Variants in DTNA observed in about 807,000 individuals in gnomAD.
DTNA encodes dystrobrevin alpha.
In DTNA, 43 loss-of-function variants were observed where a neutral mutation model predicts 100.7. The ratio of observed to expected loss-of-function variants is 0.43; its 90% confidence interval spans 0.33 to 0.55. The LOEUF (loss-of-function observed/expected upper bound fraction) is 0.55, where lower values mean the gene tolerates loss of function less well. Among genes scored for constraint, DTNA ranks in the 20% least tolerant of loss-of-function variants. The pLI, the probability that DTNA is intolerant of heterozygous loss-of-function variation, is 0.04. For synonymous variants in DTNA, 349 were observed against 347.9 expected (o/e 1.00, Z -0.04); for missense variants, 798 against 953.9 (o/e 0.84, Z 2.15).
intron 3 of DTNA, among the ~76,000 whole-genome samples, chr18:34,785,816 T>C (rs1286817738): frequency 2.9e-5 from 1 of 34,390 alleles, no homozygotes; most frequent in Admixed American, 4.4e-4. Context: ...ATGTAAGTTC[T>C]GTGTGATTAG....
rs191844038 is a variant in DTNA at position 34,852,583 on chromosome 18, A to G, written c.1532+655A>G. ...CTCTAATGTGTTCCCATCACACTTC[A>G]GTTAAATCCTACTCCTCTTACCATC... On this transcript the variant is annotated intron_variant, in intron 15 of 22. Coordinates refer to ENST00000444659, the MANE Select transcript of DTNA (RefSeq NM_001386795.1). 1.5e-3 allele frequency among the ~76,000 whole-genome samples: 236 copies of G among 152,296 alleles called. 4 individuals are homozygous for G. In the South Asian group the frequency reaches 0.03, roughly 19 times the overall value.
In DTNA at chr18:34,850,627, T is replaced by C. The variant is rs1057161223; in HGVS notation, c.1435-1204T>C. ...CAACAGTTGCCATTTTTAAAAGCTTTCCATTCTTCGGTAGAAAGATGAGTT... is the reference window on the plus strand; with the variant it reads ...CAACAGTTGCCATTTTTAAAAGCTTCCCATTCTTCGGTAGAAAGATGAGTT... On this transcript the variant is annotated intron_variant, in intron 14 of 22. Coordinates refer to ENST00000444659, the MANE Select transcript of DTNA (RefSeq NM_001386795.1). 3.3e-5 allele frequency among the ~76,000 whole-genome samples: 5 copies of C among 152,222 alleles called. No homozygotes were observed. The East Asian group carries it at 9.6e-4, about 29-fold the overall frequency.
Position 34,863,978 on chromosome 18 carries a change from T to C in DTNA, c.1659T>C (p.Asp553=), listed in dbSNP as rs745502573. ...GCTTCTTTCTTAGACAGCGCAAAGA[T>C]GAGCTGGAACAGAGAATGTCTGCTC... ...AELRLLRQRK[D]ELEQRMSALQ... Residue 553 remains aspartate, a synonymous_variant, in exon 17 of 23, where the codon GAT becomes GAC. Transcript: ENST00000444659. The C allele has an allele frequency of 1.9e-6, 3 of 1,611,054 alleles. No homozygotes were observed. Among genetic ancestry groups the C allele is most frequent in the African/African-American group, 2.7e-5 (2 of 74,978 alleles).
At chr18:34,848,746 G>A (rs560357926) in intron 14 of DTNA, among the ~76,000 whole-genome samples, 21 of 152,156 alleles carry the variant, frequency 1.4e-4, no homozygotes, top group South Asian at 8.3e-4. Flanking sequence ...AGGCAGAGTA[G>A]TTGCAAGTGA....
At chr18:34,557,056 G>T (rs2046135851) in intron 1 of DTNA, among the ~76,000 whole-genome samples, 1 of 150,868 alleles carries the variant, frequency 6.6e-6, no homozygotes, top group Non-Finnish European at 1.5e-5. Flanking sequence ...ATTTCTTGGA[G>T]GCTTTGCTCA....
intron 1 of DTNA, among the ~76,000 whole-genome samples, chr18:34,654,547 A>G (rs1168776206): frequency 6.6e-6 from 1 of 152,204 alleles, no homozygotes; most frequent in Non-Finnish European, 1.5e-5. Flanking sequence ...CTTTAATACT[A>G]ACTGCAACAA....
intron 1 of DTNA, among the ~76,000 whole-genome samples, chr18:34,524,030 A>C (rs908044394): frequency 6.6e-6 from 1 of 152,134 alleles, no homozygotes; most frequent in African/African-American, 2.4e-5. Context: ...TGTGTTGCCT[A>C]GTGTGTGTTA....
At chr18:34,519,301 A>G (rs2041951250) in intron 1 of DTNA, among the ~76,000 whole-genome samples, 1 of 152,154 alleles carries the variant, frequency 6.6e-6, no homozygotes, top group East Asian at 1.9e-4. Context: ...GAAAGATGTT[A>G]TAAATTTAGG....
chr18:34,510,727 AT>A (rs2040995046), intron 1 of DTNA, among the ~76,000 whole-genome samples: 1 of 150,406 alleles, frequency 6.6e-6, no homozygotes, highest in Non-Finnish European at 1.5e-5. Flanking sequence ...TCTAAAACCC[AT>A]TCTAGAGCCA....
chr18:34,845,609 G>A (rs2096362837), intron 13 of DTNA, among the ~76,000 whole-genome samples: 2 of 152,148 alleles, frequency 1.3e-5, no homozygotes, highest in Admixed American at 6.6e-5. Context: ...TAATACATGA[G>A]CCAGAAATGA....
chr18:34,778,807 T>TTTG lies in DTNA; in HGVS notation c.148+12790_148+12792dup, dbSNP rs368572376. On this transcript the variant is annotated intron_variant, in intron 3 of 22. Transcript: ENST00000444659. ...ATAAAAGCTATATATATAGGGAAAG[T>TTTG]TTGTTGTTGTTGTTGTTGTTGTTGT... Among the ~76,000 whole-genome samples the TTTG allele has an allele frequency of 7.5e-3, 1,130 of 150,994 alleles. 15 individuals carry two copies. Among genetic ancestry groups the TTTG allele is most frequent in the African/African-American group, 0.022 (892 of 41,042 alleles).
intron 1 of DTNA, among the ~76,000 whole-genome samples, chr18:34,710,955 A>G (rs552363045): frequency 1.1e-4 from 16 of 151,978 alleles, no homozygotes; most frequent in Admixed American, 7.9e-4. Flanking sequence ...TTCTTTCATC[A>G]TATTATTGCG....
Position 34,860,220 on chromosome 18 carries a change from GTT to G in DTNA, c.1646+1850_1646+1851del, listed in dbSNP as rs55673388. Among the ~76,000 whole-genome samples, 149 of 80,284 alleles carry G rather than the reference GTT, an allele frequency of 1.9e-3. 7 individuals are homozygous for G. Among genetic ancestry groups the G allele is most frequent in the South Asian group, 7.5e-3 (17 of 2,252 alleles). 52.7% of individuals were successfully genotyped at this position (80,284 alleles called of 152,430 possible). On this transcript the variant is annotated intron_variant, in intron 16 of 22. Coordinates refer to ENST00000444659, the MANE Select transcript of DTNA (RefSeq NM_001386795.1). ...TGCCACCACGCCCGGCTAATTTTTT[GTT>G]TTTTTTTTTTTTTTTTTTTTTTTTT...
At chr18:34,609,975 G>C (rs1568011702) in intron 1 of DTNA, among the ~76,000 whole-genome samples, 1 of 152,054 alleles carries the variant, frequency 6.6e-6, no homozygotes, top group Non-Finnish European at 1.5e-5. Context: ...TTTCTCCAAA[G>C]AGCTTAGCGA....
rs373063947 is a variant in DTNA, at chr18:34,806,711, A to G, written c.448+407A>G. On this transcript the variant is annotated intron_variant, in intron 5 of 22. Transcript: ENST00000444659. ...CATTTCCTCATTCTTCTCAGCCAGC[A>G]CTGTTCAAATCACTGGGAACTCCAA... Among the ~76,000 whole-genome samples, 12 of 152,330 alleles carry G rather than the reference A, an allele frequency of 7.9e-5. 1 individual carries two copies. In the East Asian group the frequency reaches 1.2e-3, roughly 15 times the overall value.
chr18:34,596,581 T>C (rs1335500475), intron 1 of DTNA, among the ~76,000 whole-genome samples: 1 of 152,180 alleles, frequency 6.6e-6, no homozygotes, highest in African/African-American at 2.4e-5. Context: ...AAATATCTTA[T>C]TACATCGGGT....
At chr18:34,811,870 C>CT (rs1279615539) in intron 5 of DTNA, 89 bp from the exon 6 acceptor site, 3 of 1,491,694 alleles carry the variant, frequency 2.0e-6, no homozygotes, top group Non-Finnish European at 2.8e-6. Context: ...TATTTTGCTA[C>CT]TTTTTTGTCA....
Position 34,677,380 on chromosome 18 carries a change from T to A in DTNA, c.-1-78596T>A, listed in dbSNP as rs148519372. Among the ~76,000 whole-genome samples, 9 of 152,174 alleles carry A rather than the reference T, an allele frequency of 5.9e-5. No individual in the cohort carries two copies. The East Asian group carries it at 1.5e-3, about 26-fold the overall frequency. The stretch of plus-strand genomic sequence containing the variant: ...GGACAAAAAAAAAGAAATATGCAAG[T>A]CATCCTTCCCAAAATTGTCAGGTAC... On this transcript the variant is annotated intron_variant, in intron 1 of 19. Coordinates refer to the DTNA transcript ENST00000283365.
intron 17 of DTNA, chr18:34,867,787 C>G (rs749425605): frequency 2.8e-4 from 279 of 985,326 alleles, no homozygotes; most frequent in Non-Finnish European, 3.2e-4. Flanking sequence ...GGCAGTGCCC[C>G]CAAGGTGGCG....
Sources: gnomAD v4.1 joint callset for allele counts (sites outside exome capture counted in the v4.1 genomes callset) on GRCh38, gnomAD v4.1.1 for gene constraint, MANE v1.5 for transcripts, NCBI Gene and HGNC (gene_info 2026-07-23, HGNC 2026-07-21) for gene names.